The following ENTREP2 variants were observed in gnomAD, a reference collection of about 807,000 sequenced individuals.
The protein encoded by ENTREP2 is endosomal transmembrane epsin interactor 2, also known as protein ENTREP2.
At chr15:29,288,134 G>A in the ENTREP2 span, among the ~76,000 whole-genome samples, 1 of 152,176 alleles carries the variant, frequency 6.6e-6, no homozygotes, top group Non-Finnish European at 1.5e-5. Context: ...GCTATTTGAT[G>A]ATAACAGGAG....
the ENTREP2 span, among the ~76,000 whole-genome samples, chr15:29,244,290 C>T: frequency 6.6e-6 from 1 of 152,148 alleles, no homozygotes; most frequent in Non-Finnish European, 1.5e-5. Context: ...GAATACCTCC[C>T]ATTAATAAAG....
chr15:29,612,669 G>C, the ENTREP2 span: 8 of 153,022 alleles, frequency 5.2e-5, no homozygotes, highest in African/African-American at 1.9e-4. Flanking sequence ...GGACCTACCA[G>C]TACCTGCCCA....
the ENTREP2 span, among the ~76,000 whole-genome samples, chr15:29,397,339 C>T: frequency 6.6e-6 from 1 of 151,972 alleles, no homozygotes; most frequent in African/African-American, 2.4e-5. Context: ...TGCCGTGAGC[C>T]GAGATTGTGC....
the ENTREP2 span, among the ~76,000 whole-genome samples, chr15:29,660,056 C>T: frequency 6.6e-6 from 1 of 152,210 alleles, no homozygotes. Flanking sequence ...CCTGCCTTGG[C>T]TTCCCAAAGT....
chr15:29,330,358 AGAACCGTTT>A, the ENTREP2 span, among the ~76,000 whole-genome samples: 1 of 152,000 alleles, frequency 6.6e-6, no homozygotes, highest in Non-Finnish European at 1.5e-5. Context: ...CTGAGGCAGG[AGAACCGTTT>A]GAACCCGGGA....
chr15:29,578,503 C>T, the ENTREP2 span, among the ~76,000 whole-genome samples: 1 of 152,186 alleles, frequency 6.6e-6, no homozygotes, highest in African/African-American at 2.4e-5. Context: ...TTTAAAATGT[C>T]TGTCTCATTG....
At chr15:29,309,984 G>A in the ENTREP2 span, among the ~76,000 whole-genome samples, 2 of 152,074 alleles carry the variant, frequency 1.3e-5, no homozygotes, top group African/African-American at 4.8e-5. Context: ...TGCATGCTCC[G>A]AGGGTCTGCT....
the ENTREP2 span, among the ~76,000 whole-genome samples, chr15:29,371,349 A>AACACACACACACACACACACAC: frequency 1.2e-4 from 16 of 133,982 alleles, no homozygotes; most frequent in African/African-American, 4.1e-4. Flanking sequence ...CACCCCCGCA[A>AACACACACACACACACACACAC]ACACACACAC....
the ENTREP2 span, among the ~76,000 whole-genome samples, chr15:29,161,443 C>G: frequency 6.6e-6 from 1 of 152,180 alleles, no homozygotes; most frequent in Admixed American, 6.5e-5. Context: ...ATAATAAAGT[C>G]CCTTGTCTCT....
the ENTREP2 span, among the ~76,000 whole-genome samples, chr15:29,134,631 C>T: frequency 6.6e-6 from 1 of 152,218 alleles, no homozygotes; most frequent in Non-Finnish European, 1.5e-5. Context: ...CACATCTCTT[C>T]CTGTCCTAAG....
the ENTREP2 span, among the ~76,000 whole-genome samples, chr15:29,248,418 T>A: frequency 6.6e-6 from 1 of 151,960 alleles, no homozygotes; most frequent in South Asian, 2.1e-4. Flanking sequence ...CAAATAACAA[T>A]CCAGGGAATA....
At chr15:29,147,102 A>G in the ENTREP2 span, among the ~76,000 whole-genome samples, 1 of 152,244 alleles carries the variant, frequency 6.6e-6, no homozygotes, top group Non-Finnish European at 1.5e-5. Flanking sequence ...TCAAGTGAAA[A>G]GATAACCCAC....
At chr15:29,546,088 A>G in the ENTREP2 span, among the ~76,000 whole-genome samples, 1 of 152,216 alleles carries the variant, frequency 6.6e-6, no homozygotes. Context: ...CCTCTATCTC[A>G]ACAATGAAAC....
chr15:29,220,707 C>T, the ENTREP2 span, among the ~76,000 whole-genome samples: 5 of 151,796 alleles, frequency 3.3e-5, no homozygotes, highest in Non-Finnish European at 7.4e-5. Flanking sequence ...GGTGCATGAA[C>T]GTGTATACAC....
the ENTREP2 span, among the ~76,000 whole-genome samples, chr15:29,220,767 A>G: frequency 1.3e-5 from 2 of 152,172 alleles, no homozygotes; most frequent in African/African-American, 2.4e-5. Flanking sequence ...AACCTTTATT[A>G]TATAAATTAT....
At chr15:29,350,442 ATT>A in the ENTREP2 span, among the ~76,000 whole-genome samples, 1 of 152,008 alleles carries the variant, frequency 6.6e-6, no homozygotes, top group African/African-American at 2.4e-5. Flanking sequence ...GATTGCCTCT[ATT>A]GCTTCTTGGA....
At chr15:29,396,512 A>G in the ENTREP2 span, among the ~76,000 whole-genome samples, 89 of 152,266 alleles carry the variant, frequency 5.8e-4, no homozygotes, top group Non-Finnish European at 7.8e-4. Flanking sequence ...CTGGATAATA[A>G]TTTCTGATGA....
chr15:29,294,294 G>A, the ENTREP2 span, among the ~76,000 whole-genome samples: 6 of 152,212 alleles, frequency 3.9e-5, no homozygotes, highest in African/African-American at 1.4e-4. Flanking sequence ...GCAGACTCCC[G>A]TTAGTGGCCA....
At chr15:29,178,294 A>T in the ENTREP2 span, among the ~76,000 whole-genome samples, 3 of 116,108 alleles carry the variant, frequency 2.6e-5, 1 homozygote, top group South Asian at 7.6e-4. Context: ...AACCTGTCTT[A>T]AAAAAAAAAA....
Sources: gnomAD v4.1 joint callset for allele counts (sites outside exome capture counted in the v4.1 genomes callset) on GRCh38, gnomAD v4.1.1 for gene constraint, MANE v1.5 for transcripts, NCBI Gene and HGNC (gene_info 2026-07-23, HGNC 2026-07-21) for gene names.